The following AKAIN1 variants were observed in gnomAD, a reference collection of about 807,000 sequenced individuals.
AKAIN1 encodes A-kinase anchor inhibitor 1, also known as A-kinase anchor protein inhibitor 1.
A neutral mutation model predicts 3.7 loss-of-function variants in AKAIN1; 3 were observed. The ratio of observed to expected loss-of-function variants is 0.82; its 90% CI spans 0.37 to 2.12. The LOEUF is 2.12. AKAIN1 is among the 30% of genes most tolerant of loss of function. AKAIN1 has a pLI of 0.06. For synonymous variants in AKAIN1, 31 were observed against 30.8 expected (o/e 1.01, Z -0.02); for missense variants, 82 against 82.7 (o/e 0.99, Z 0.03).
At chr18:5,170,077 C>A (rs917592514) in intron 1 of AKAIN1, among the ~76,000 whole-genome samples, 7 of 152,062 alleles carry the variant, frequency 4.6e-5, no homozygotes, top group African/African-American at 1.7e-4. Flanking sequence ...TGATTTTTAA[C>A]AAAAATACTG....
At chr18:5,178,837 A>G (rs2071240877) in intron 1 of AKAIN1, among the ~76,000 whole-genome samples, 1 of 152,166 alleles carries the variant, frequency 6.6e-6, no homozygotes. Flanking sequence ...CCCAGCACTG[A>G]TAATCCCTGA....
intron 1 of AKAIN1, among the ~76,000 whole-genome samples, chr18:5,157,822 C>G (rs1016623857): frequency 6.6e-6 from 1 of 152,058 alleles, no homozygotes; most frequent in Non-Finnish European, 1.5e-5. Context: ...GTAGCTGGGA[C>G]TACAGGTGCA....
At chr18:5,178,904 A>G (rs1350380302) in intron 1 of AKAIN1, among the ~76,000 whole-genome samples, 2 of 152,162 alleles carry the variant, frequency 1.3e-5, no homozygotes, top group East Asian at 3.9e-4. Flanking sequence ...AGTAAAATAT[A>G]TTTGCAATCA....
upstream of AKAIN1, chr18:5,197,349 A>C: frequency 7.8e-7 from 1 of 1,277,384 alleles, no homozygotes; most frequent in Non-Finnish European, 1.0e-6. This position sits in a 1 kb window ranked among gnomAD's most constrained non-coding sequence, Gnocchi z 6.9. Context: ...ACTGCTGCTT[A>C]GGGAGCAAAG....
At chr18:5,176,208 G>A (rs2071225458) in intron 1 of AKAIN1, among the ~76,000 whole-genome samples, 1 of 152,126 alleles carries the variant, frequency 6.6e-6, no homozygotes, top group African/African-American at 2.4e-5. Flanking sequence ...GGAGGCCGAG[G>A]CAAGTGGATC....
rs1226530293 is a variant in AKAIN1, at chr18:5,144,471, C to T, written c.*1091G>A. On this transcript the variant is annotated 3_prime_UTR_variant, in exon 2 of 2. Coordinates refer to ENST00000434239, the MANE Select transcript of AKAIN1 (RefSeq NM_001145194.2). ...AGTGGAGCAGGGATTGATCCTGTTGCTGCACAGATAACTTTATTACACGTG... is the reference window on the plus strand; with the variant it reads ...AGTGGAGCAGGGATTGATCCTGTTGTTGCACAGATAACTTTATTACACGTG... Among the ~76,000 whole-genome samples, 2 of 152,186 alleles carry T rather than the reference C, an allele frequency of 1.3e-5. No homozygotes were observed. Among genetic ancestry groups the T allele is most frequent in the Non-Finnish European group, 2.9e-5 (2 of 68,034 alleles).
intron 1 of AKAIN1, among the ~76,000 whole-genome samples, chr18:5,180,973 A>G (rs2071254458): frequency 6.6e-6 from 1 of 152,144 alleles, no homozygotes; most frequent in East Asian, 1.9e-4. Context: ...GTGCCACAGC[A>G]ACACTTCTCT....
At chr18:5,148,072 C>T (rs908613770) in intron 1 of AKAIN1, among the ~76,000 whole-genome samples, 10 of 152,126 alleles carry the variant, frequency 6.6e-5, no homozygotes, top group Non-Finnish European at 1.0e-4. Flanking sequence ...GAGAATTAAC[C>T]GACATAAAGA....
chr18:5,197,266 A>G (rs574327246), upstream of AKAIN1: 1,828 of 1,374,474 alleles, frequency 1.3e-3, 4 homozygotes, highest in Non-Finnish European at 1.6e-3. This position sits in a 1 kb window ranked among gnomAD's most constrained non-coding sequence, Gnocchi z 6.9. Context: ...ATGCGGCCAC[A>G]GCGGCGGCGG....
At chr18:5,162,308 G>A (rs1233222729) in intron 1 of AKAIN1, among the ~76,000 whole-genome samples, 1 of 152,074 alleles carries the variant, frequency 6.6e-6, no homozygotes, top group Non-Finnish European at 1.5e-5. Flanking sequence ...TGCTCTGACT[G>A]CTCTCTTGGC....
intron 1 of AKAIN1, among the ~76,000 whole-genome samples, chr18:5,152,755 CT>C (rs2071086556): frequency 6.6e-6 from 1 of 152,150 alleles, no homozygotes; most frequent in Non-Finnish European, 1.5e-5. Flanking sequence ...AGATCCACCC[CT>C]GAGTGGCAAG....
At chr18:5,168,439 A>G (rs1567875291) in intron 1 of AKAIN1, among the ~76,000 whole-genome samples, 1 of 152,222 alleles carries the variant, frequency 6.6e-6, no homozygotes, top group East Asian at 1.9e-4. Flanking sequence ...TGGAGCTCAG[A>G]AAAGCTAAAC....
Position 5,197,249 on chromosome 18 carries a change from C to T in AKAIN1, c.-196G>A. ...CTCCAGCCGCCGCCGCGCGCTCTGC[C>T]TCCACAATGCGGCCACAGCGGCGGC... On this transcript the variant is annotated 5_prime_UTR_variant, in exon 1 of 2. Coordinates refer to ENST00000434239, the MANE Select transcript of AKAIN1 (RefSeq NM_001145194.2). The surrounding 1 kb of genome is among the most constrained non-coding windows in gnomAD (Gnocchi z 6.9). 7.2e-7 allele frequency: 1 copy of T among 1,379,314 alleles called. No homozygotes were observed. The highest frequency in any genetic ancestry group is 9.3e-7 in the Non-Finnish European group (1 of 1,076,932). 85.4% of individuals were successfully genotyped at this position (1,379,314 alleles called of 1,614,324 possible). A position where few individuals can be genotyped will look rare whatever the true frequency, so the allele number is the denominator to read the frequency against.
chr18:5,183,253 AAAT>A (rs1335997782), intron 1 of AKAIN1, among the ~76,000 whole-genome samples: 1 of 152,108 alleles, frequency 6.6e-6, no homozygotes, highest in African/African-American at 2.4e-5. Flanking sequence ...TCACATCAAA[AAAT>A]AATATGCATG....
chr18:5,194,857 G>A (rs531149655), intron 1 of AKAIN1, among the ~76,000 whole-genome samples: 1 of 152,184 alleles, frequency 6.6e-6, no homozygotes, highest in Non-Finnish European at 1.5e-5. Flanking sequence ...AAAGAAAGGG[G>A]TGGGAGTGTA....
At chr18:5,179,938 C>T (rs1248322096) in intron 1 of AKAIN1, among the ~76,000 whole-genome samples, 6 of 152,158 alleles carry the variant, frequency 3.9e-5, no homozygotes, top group Non-Finnish European at 8.8e-5. Context: ...TGTCCCCATC[C>T]CACACTCCAG....
At chr18:5,173,285 T>C (rs1251162909) in intron 1 of AKAIN1, among the ~76,000 whole-genome samples, 1 of 152,210 alleles carries the variant, frequency 6.6e-6, no homozygotes, top group East Asian at 1.9e-4. Context: ...TGGTGTTTTT[T>C]TGTATGTGTT....
chr18:5,178,846 G>A (rs1427511150), intron 1 of AKAIN1, among the ~76,000 whole-genome samples: 4 of 152,220 alleles, frequency 2.6e-5, no homozygotes, highest in African/African-American at 9.6e-5. Flanking sequence ...GATAATCCCT[G>A]AGCCAAAGCA....
At chr18:5,190,862 C>T (rs60184648) in intron 1 of AKAIN1, among the ~76,000 whole-genome samples, 1,813 of 152,204 alleles carry the variant, frequency 0.012, 38 homozygotes, top group African/African-American at 0.041. Context: ...CCCACCCCCA[C>T]GACCTCTTCT....
Sources: allele counts gnomAD v4.1 joint callset (sites outside exome capture counted in the v4.1 genomes callset), GRCh38; gene constraint gnomAD v4.1.1; non-coding constraint Gnocchi (gnomAD v3.1); transcripts MANE v1.5; gene names NCBI Gene and HGNC (gene_info 2026-07-23, HGNC 2026-07-21).